The following XKR9 variants were observed in gnomAD, a reference collection of about 807,000 sequenced individuals.
XKR9 encodes XK related 9.
Under a neutral mutation model 32.0 loss-of-function variants are expected in XKR9, and 32 were observed. The observed-to-expected ratio is 1.00, with a 90% CI of 0.76 to 1.34. The LOEUF is 1.34. XKR9 is among the 40% of genes most tolerant of loss of function. The probability of loss-of-function intolerance (pLI) is 0.00; values close to 1 mark genes in which losing one functional copy is unlikely to be tolerated. For synonymous variants in XKR9, 168 were observed against 143.4 expected (o/e 1.17, Z -1.22); for missense variants, 546 against 429.7 (o/e 1.27, Z -2.39).
At chr8:70,801,477 G>GTGATA in the XKR9 span, among the ~76,000 whole-genome samples, 2 of 152,228 alleles carry the variant, frequency 1.3e-5, no homozygotes, top group Admixed American at 6.5e-5. Flanking sequence ...TTGGTGTTGA[G>GTGATA]TGATATTTTT....
At chr8:70,901,530 G>T in the XKR9 span, among the ~76,000 whole-genome samples, 44 of 152,222 alleles carry the variant, frequency 2.9e-4, no homozygotes, top group Admixed American at 2.2e-3. Context: ...TTGTAAATTT[G>T]TTGAAGTTCT....
intron 2 of XKR9, among the ~76,000 whole-genome samples, chr8:70,788,208 G>A (rs1031529001): frequency 3.9e-5 from 6 of 152,058 alleles, no homozygotes; most frequent in Non-Finnish European, 7.4e-5. Flanking sequence ...ACCCTACAAC[G>A]TAGTTCTGAG....
In XKR9 at chr8:70,672,218, A is replaced by G. The variant is rs1256401209; in HGVS notation, c.-360-2600A>G. 2.6e-4 allele frequency among the ~76,000 whole-genome samples: 19 copies of G among 73,186 alleles called. 2 individuals carry two copies. The highest frequency in any genetic ancestry group is 7.7e-4 in the African/African-American group (19 of 24,528). The allele number at this position is 73,186 out of a possible 152,430, so 48.0% of individuals were successfully genotyped here. A position where few individuals can be genotyped will look rare whatever the true frequency, so the allele number is the denominator to read the frequency against. On this transcript the variant is annotated intron_variant, in intron 1 of 4. Coordinates refer to ENST00000408926, the MANE Select transcript of XKR9 (RefSeq NM_001011720.2). Reference sequence around the variant, plus strand: ...TTTCTTCACAGAATTGGAAAAAACTACTTTAAAGTTCATATGGAACCAAAA... The same window carrying G: ...TTTCTTCACAGAATTGGAAAAAACTGCTTTAAAGTTCATATGGAACCAAAA...
At chr8:70,845,838 G>T in the XKR9 span, among the ~76,000 whole-genome samples, 281 of 152,160 alleles carry the variant, frequency 1.8e-3, 2 homozygotes, top group African/African-American at 6.4e-3. Context: ...TTGAATTTTG[G>T]ATGTTTCAGA....
At chr8:70,796,812 A>G in the XKR9 span, among the ~76,000 whole-genome samples, 1 of 152,224 alleles carries the variant, frequency 6.6e-6, no homozygotes, top group Non-Finnish European at 1.5e-5. Flanking sequence ...CTTAATACAT[A>G]TTTGTTGAAT....
At chr8:70,991,780 TA>T in the XKR9 span, among the ~76,000 whole-genome samples, 1 of 152,360 alleles carries the variant, frequency 6.6e-6, no homozygotes, top group South Asian at 2.1e-4. Context: ...TAAATAATTA[TA>T]AAAAACTACA....
At chr8:70,812,941 A>G in the XKR9 span, among the ~76,000 whole-genome samples, 14 of 152,318 alleles carry the variant, frequency 9.2e-5, no homozygotes, top group African/African-American at 2.9e-4. Context: ...GGAAAAAACT[A>G]CTTTAAATTT....
At chr8:70,783,682 T>C (rs1395292256) in intron 2 of XKR9, among the ~76,000 whole-genome samples, 1 of 152,238 alleles carries the variant, frequency 6.6e-6, no homozygotes, top group African/African-American at 2.4e-5. Context: ...TTAATTGTTT[T>C]CTTTGCTGTG....
At chr8:70,691,960 G>A (rs1805084964) in intron 3 of XKR9, among the ~76,000 whole-genome samples, 1 of 152,100 alleles carries the variant, frequency 6.6e-6, no homozygotes, top group Admixed American at 6.6e-5. Context: ...AATGTCATTG[G>A]TAGTTTAACA....
At chr8:70,916,633 C>G in the XKR9 span, among the ~76,000 whole-genome samples, 1 of 152,090 alleles carries the variant, frequency 6.6e-6, no homozygotes, top group Non-Finnish European at 1.5e-5. Context: ...TATTCTTGAT[C>G]CTTGGCACTT....
the XKR9 span, among the ~76,000 whole-genome samples, chr8:71,032,373 T>C: frequency 6.6e-6 from 1 of 152,112 alleles, no homozygotes; most frequent in African/African-American, 2.4e-5. Context: ...AGGAATTCTT[T>C]AGCTATCAAG....
chr8:70,792,439 G>T (rs1473585528), downstream of XKR9, among the ~76,000 whole-genome samples: 1 of 152,112 alleles, frequency 6.6e-6, no homozygotes, highest in Non-Finnish European at 1.5e-5. Flanking sequence ...TGACCTTGAA[G>T]CTGAGTTTTG....
intron 3 of XKR9, among the ~76,000 whole-genome samples, chr8:70,687,455 G>A (rs765518509): frequency 3.4e-5 from 5 of 148,098 alleles, no homozygotes; most frequent in Non-Finnish European, 7.4e-5. Flanking sequence ...TTATAACCTC[G>A]AACTCCTGGG....
chr8:70,776,947 C>CTCTCTCTCTCTCTCTATATATA lies in XKR9; in HGVS notation n.353-12391_353-12390insCTCTCTCTCTCTCTATATATAT. Among the ~76,000 whole-genome samples the CTCTCTCTCTCTCTCTATATATA allele has an allele frequency of 5.4e-3, 291 of 54,178 alleles. 8 individuals are homozygous for CTCTCTCTCTCTCTCTATATATA. Among genetic ancestry groups the CTCTCTCTCTCTCTCTATATATA allele is most frequent in the Admixed American group, 0.028 (113 of 4,042 alleles). 35.5% of individuals were successfully genotyped at this position (54,178 alleles called of 152,430 possible). ...TTTCTCTCTCTCTCTCTCTCTCTCTCTATATATATATATATATGTATGTAT... is the reference window on the plus strand; with the variant it reads ...TTTCTCTCTCTCTCTCTCTCTCTCTCTCTCTCTCTCTCTCTATATATATATATATATATATATATGTATGTAT... On this transcript the variant is annotated intron_variant and non_coding_transcript_variant, in intron 2 of 3. Transcript: ENST00000520273.
At chr8:70,877,130 G>C in the XKR9 span, among the ~76,000 whole-genome samples, 1 of 152,078 alleles carries the variant, frequency 6.6e-6, no homozygotes, top group Non-Finnish European at 1.5e-5. Context: ...GTGGCAAGGA[G>C]AGAGAATGAG....
chr8:70,897,722 A>T, the XKR9 span, among the ~76,000 whole-genome samples: 2 of 152,014 alleles, frequency 1.3e-5, no homozygotes, highest in Admixed American at 1.3e-4. Flanking sequence ...TTTAAATAGG[A>T]TTATTAGATT....
chr8:70,898,406 T>C, the XKR9 span, among the ~76,000 whole-genome samples: 1 of 152,218 alleles, frequency 6.6e-6, no homozygotes, highest in Non-Finnish European at 1.5e-5. Flanking sequence ...TCTGGGTCTT[T>C]AGTGGTTCCA....
At chr8:70,807,467 G>A in the XKR9 span, among the ~76,000 whole-genome samples, 1 of 152,120 alleles carries the variant, frequency 6.6e-6, no homozygotes, top group Non-Finnish European at 1.5e-5. Flanking sequence ...ACACAGAGTG[G>A]CAAATTGGAT....
chr8:70,669,722 A>C (rs1818639814), intron 1 of XKR9, among the ~76,000 whole-genome samples, 184 bp downstream of exon 1: 2 of 137,008 alleles, frequency 1.5e-5, no homozygotes, highest in Non-Finnish European at 3.0e-5. Context: ...GCTGGAGTGC[A>C]GTGGCGCGAT....
Sources: gnomAD v4.1 joint callset for allele counts (sites outside exome capture counted in the v4.1 genomes callset) on GRCh38, gnomAD v4.1.1 for gene constraint, MANE v1.5 for transcripts, NCBI Gene and HGNC (gene_info 2026-07-23, HGNC 2026-07-21) for gene names.